MMP26: variants seen among roughly 807,000 people sequenced by gnomAD.
The protein encoded by MMP26 is matrix metallopeptidase 26.
In MMP26, 33 loss-of-function variants were observed where a neutral mutation model predicts 31.0. The ratio of observed to expected loss-of-function variants is 1.06; its 90% CI spans 0.81 to 1.42. The LOEUF is 1.42. MMP26 is among the 40% of genes most tolerant of loss of function. The pLI is 0.00. For missense variants in MMP26, 347 were observed against 316.1 expected (o/e 1.10, Z -0.74); for synonymous variants, 122 against 114.9 (o/e 1.06, Z -0.40).
chr11:4,849,388 T>G, intron 2 of MMP26: 1 of 622,110 alleles, frequency 1.6e-6, no homozygotes, highest in Non-Finnish European at 2.8e-6. Flanking sequence ...CCCATCCTAA[T>G]AGTATATGCA....
chr11:4,875,633 TC>T (rs1387379662), intron 2 of MMP26: 1 of 152,156 alleles, frequency 6.6e-6, no homozygotes, highest in East Asian at 1.9e-4. Context: ...TTTCTGGTTC[TC>T]TGCAGTGACA....
chr11:4,723,405 G>A lies in MMP26; in HGVS notation c.-217+18360G>A, dbSNP rs537360399. The A allele has an allele frequency of 5.2e-6, 5 of 966,846 alleles. No homozygotes were observed. In the African/African-American group the frequency reaches 6.4e-5, roughly 12 times the overall value. The allele number at this position is 966,846 out of a possible 1,614,324, so 59.9% of individuals were successfully genotyped here. A position where few individuals can be genotyped will look rare whatever the true frequency, so the allele number is the denominator to read the frequency against. On this transcript the variant is annotated intron_variant, in intron 1 of 7. Transcript: ENST00000380390. ...CCTTGTACTGCGCCTTGACCTCAGC[G>A]ATAGTGTTGTCCATGTCCAGGGAGC...
At chr11:4,726,152 G>A (rs950581547) in intron 1 of MMP26, among the ~76,000 whole-genome samples, 2 of 152,146 alleles carry the variant, frequency 1.3e-5, no homozygotes, top group African/African-American at 4.8e-5. Flanking sequence ...TAGCAAATAT[G>A]AAAACATCTT....
chr11:4,882,994 T>G, intron 2 of MMP26: 1 of 775,692 alleles, frequency 1.3e-6, no homozygotes. Context: ...ATTTTAGGAG[T>G]GGGAAGAAGA....
intron 2 of MMP26, chr11:4,943,607 A>G (rs1846249021): frequency 5.1e-6 from 2 of 390,306 alleles, no homozygotes; most frequent in African/African-American, 4.2e-5. Flanking sequence ...GAAGTCAGTG[A>G]CACACCCACA....
At chr11:4,931,254 A>G (rs840712) in intron 2 of MMP26, among the ~76,000 whole-genome samples, 150,551 of 152,220 alleles carry the variant, frequency 0.99, 74,479 homozygotes, top group Middle Eastern at 1. Flanking sequence ...AAATCCCTTT[A>G]CAGATTACCT....
At chr11:4,891,244 G>A (rs1401190934) in intron 2 of MMP26, among the ~76,000 whole-genome samples, 5 of 152,070 alleles carry the variant, frequency 3.3e-5, no homozygotes, top group African/African-American at 1.2e-4. Flanking sequence ...TTCTAGCATG[G>A]CACTGCCATC....
chr11:4,975,879 T>C (rs1233543732), intron 2 of MMP26, among the ~76,000 whole-genome samples: 3 of 152,098 alleles, frequency 2.0e-5, no homozygotes, highest in African/African-American at 7.3e-5. Flanking sequence ...CTCTGCATCA[T>C]TTAATCAACG....
At chr11:4,991,912 G>T in intron 6 of MMP26, 52 bp from the exon 7 acceptor site, 1 of 1,438,702 alleles carries the variant, frequency 7.0e-7, no homozygotes, top group Non-Finnish European at 9.3e-7. Context: ...CACACTTTCA[G>T]CATTCCCTAT....
intron 1 of MMP26, among the ~76,000 whole-genome samples, chr11:4,745,888 C>A (rs1848373641): frequency 6.6e-6 from 1 of 152,080 alleles, no homozygotes; most frequent in Admixed American, 6.6e-5. Flanking sequence ...GTTTTTCCAC[C>A]TAGTAGTAAG....
chr11:4,748,327 A>G (rs1010806787), intron 1 of MMP26, among the ~76,000 whole-genome samples: 1 of 152,070 alleles, frequency 6.6e-6, no homozygotes, highest in Non-Finnish European at 1.5e-5. Flanking sequence ...AGAAAAATCC[A>G]GAACCAGATG....
At chr11:4,938,479 A>G (rs1210957152) in intron 2 of MMP26, among the ~76,000 whole-genome samples, 1 of 152,028 alleles carries the variant, frequency 6.6e-6, no homozygotes, top group Non-Finnish European at 1.5e-5. Flanking sequence ...GAAAACAAAA[A>G]GAAAGCCAAA....
At chr11:4,863,812 A>G (rs1223560073) in intron 2 of MMP26, among the ~76,000 whole-genome samples, 2 of 152,040 alleles carry the variant, frequency 1.3e-5, no homozygotes. Flanking sequence ...ATCCCTTCCT[A>G]ATTTCCCTAA....
At chr11:4,821,328 T>A in intron 2 of MMP26, 1 of 1,359,354 alleles carries the variant, frequency 7.4e-7, no homozygotes. Flanking sequence ...ACTCAGTGAA[T>A]CTTGAAGTGC....
intron 2 of MMP26, among the ~76,000 whole-genome samples, chr11:4,870,458 T>G (rs1288047857): frequency 1.3e-5 from 2 of 152,012 alleles, no homozygotes; most frequent in Non-Finnish European, 2.9e-5. Context: ...TTTACTGTGA[T>G]TTAGACAATA....
At position 4,867,289 on chromosome 11, in the gene MMP26, G is replaced by A. The variant is rs150225850; in HGVS notation, c.-145+99948G>A. ...GTGGGCAAAGGACATGAACAGACAT[G>A]TCTCAAAAGAAGACGTACATGTGAC... On this transcript the variant is annotated intron_variant, in intron 2 of 7. Transcript: ENST00000380390. Among the ~76,000 whole-genome samples, 1,169 of 151,476 alleles carry A rather than the reference G, an allele frequency of 7.7e-3. 14 individuals are homozygous for A. Among genetic ancestry groups the A allele is most frequent in the African/African-American group, 0.027 (1,110 of 41,272 alleles).
intron 5 of MMP26, 24 bp downstream of exon 5, chr11:4,990,770 G>A (rs1242600518): frequency 1.9e-6 from 3 of 1,613,294 alleles, no homozygotes; most frequent in Admixed American, 3.3e-5. Flanking sequence ...ATGGGAAGAA[G>A]GATATGTATA....
intron 2 of MMP26, among the ~76,000 whole-genome samples, chr11:4,785,336 G>A (rs1848925772): frequency 6.6e-6 from 1 of 152,088 alleles, no homozygotes; most frequent in African/African-American, 2.4e-5. Context: ...TGAAGTTCAA[G>A]ATCTTGTCCC....
At chr11:4,865,732 C>T (rs182496450) in intron 2 of MMP26, among the ~76,000 whole-genome samples, 2 of 152,102 alleles carry the variant, frequency 1.3e-5, no homozygotes, top group Admixed American at 1.3e-4. Flanking sequence ...ACAATGCAGA[C>T]TCGACTTCAA....
Sources: allele counts gnomAD v4.1 joint callset (sites outside exome capture counted in the v4.1 genomes callset), GRCh38; gene constraint gnomAD v4.1.1; transcripts MANE v1.5; gene names NCBI Gene and HGNC (gene_info 2026-07-23, HGNC 2026-07-21).